NCK2: variants seen among roughly 807,000 people sequenced by gnomAD.
The protein encoded by NCK2 is NCK adaptor protein 2.
A neutral mutation model predicts 33.9 loss-of-function variants in NCK2; 16 were observed. The observed-to-expected ratio is 0.47, with a 90% CI of 0.32 to 0.72. The LOEUF (loss-of-function observed/expected upper bound fraction) is 0.72. Among genes scored for constraint, NCK2 ranks in the 30% least tolerant of loss-of-function variants. The pLI is 0.03. For synonymous variants in NCK2, 273 were observed against 239.9 expected (o/e 1.14, Z -1.27); for missense variants, 418 against 537.3 (o/e 0.78, Z 2.19).
At position 105,780,865 on chromosome 2, in the gene NCK2, A is replaced by G. The variant is rs1690471387; in HGVS notation, c.-200-35565A>G. On this transcript the variant is annotated intron_variant, in intron 1 of 4. Transcript: ENST00000233154. ...AGACACTGAATTTCCTGGTACTTTGATCTTGGACTTCCAGCTTCCACAACT... is the reference window on the plus strand; with the variant it reads ...AGACACTGAATTTCCTGGTACTTTGGTCTTGGACTTCCAGCTTCCACAACT... 5.3e-5 allele frequency among the ~76,000 whole-genome samples: 8 copies of G among 152,294 alleles called. No individual in the cohort carries two copies. In the South Asian group the frequency reaches 1.7e-3, roughly 32 times the overall value.
chr2:105,868,599 T>A (rs1271364981), intron 3 of NCK2, among the ~76,000 whole-genome samples: 1 of 152,226 alleles, frequency 6.6e-6, no homozygotes, highest in Non-Finnish European at 1.5e-5. Context: ...TGAAGTTGAC[T>A]AAATCTGTAA....
In NCK2 at chr2:105,893,496, G is replaced by T. The variant is rs1345612489; in HGVS notation, c.*320G>T. 2 of 307,702 alleles carry T rather than the reference G, an allele frequency of 6.5e-6. No individual in the cohort carries two copies. The highest frequency in any genetic ancestry group is 4.0e-5 in the Admixed American group (1 of 24,814). 19.1% of individuals were successfully genotyped at this position (307,702 alleles called of 1,614,324 possible). On this transcript the variant is annotated 3_prime_UTR_variant, in exon 5 of 5. Coordinates refer to ENST00000233154, the MANE Select transcript of NCK2 (RefSeq NM_003581.5). ...CTCTTTAAAAAGACGCAGGGCACCT[G>T]TGAGCGCAGGAGCGAGCCTAAGGCC...
At chr2:105,762,964 G>T (rs966919549) in intron 1 of NCK2, among the ~76,000 whole-genome samples, 1 of 152,212 alleles carries the variant, frequency 6.6e-6, no homozygotes, top group African/African-American at 2.4e-5. Context: ...GGAGGCCGAC[G>T]TAGGCGGATT....
At chr2:105,798,620 T>C (rs1691166391) in intron 1 of NCK2, among the ~76,000 whole-genome samples, 2 of 152,176 alleles carry the variant, frequency 1.3e-5, no homozygotes, top group Admixed American at 6.5e-5. Context: ...ACAAAATGTA[T>C]GCATTACTTT....
intron 2 of NCK2, 88 bp from the exon 3 acceptor site, chr2:105,854,960 C>A: frequency 1.1e-6 from 1 of 913,276 alleles, no homozygotes; most frequent in Non-Finnish European, 1.7e-6. Flanking sequence ...GTAATAAAAG[C>A]TGTCAGTGCC....
At chr2:105,821,915 C>T (rs1171563368) in intron 2 of NCK2, among the ~76,000 whole-genome samples, 1 of 150,694 alleles carries the variant, frequency 6.6e-6, no homozygotes, top group Non-Finnish European at 1.5e-5. Context: ...AGCCCACGTT[C>T]CTTCTGCTTC....
intron 1 of NCK2, among the ~76,000 whole-genome samples, chr2:105,780,144 C>T (rs1295288093): frequency 6.6e-6 from 1 of 152,042 alleles, no homozygotes; most frequent in Admixed American, 6.6e-5. Context: ...TTTAAAATTT[C>T]TGGTTGCAAG....
intron 1 of NCK2, among the ~76,000 whole-genome samples, chr2:105,814,939 A>G (rs1459886445): frequency 1.3e-5 from 2 of 152,246 alleles, no homozygotes; most frequent in African/African-American, 4.8e-5. Context: ...TAACGTTTAT[A>G]ATAGCCCCTG....
rs550629968 is a variant in NCK2, at chr2:105,746,372, C to T, written c.-201+1234C>T. The stretch of plus-strand genomic sequence containing the variant: ...AGTCCCTTCCTGGCCCAGGCGCAGT[C>T]CCCGCTTCTCGGAAGGGATTTTGTG... On this transcript the variant is annotated intron_variant, in intron 1 of 4. Transcript: ENST00000233154. Among the ~76,000 whole-genome samples, 5 of 152,282 alleles carry T rather than the reference C, an allele frequency of 3.3e-5. No homozygotes were observed. In the East Asian group the frequency reaches 9.6e-4, roughly 29 times the overall value.
intron 1 of NCK2, among the ~76,000 whole-genome samples, chr2:105,759,461 C>T (rs1689695176): frequency 2.7e-5 from 1 of 36,580 alleles, no homozygotes; most frequent in South Asian, 2.0e-3. Flanking sequence ...TGCATACAGG[C>T]TTTTATATAA....
At chr2:105,839,342 C>A (rs1212743768) in intron 2 of NCK2, among the ~76,000 whole-genome samples, 4 of 152,072 alleles carry the variant, frequency 2.6e-5, no homozygotes, top group African/African-American at 9.7e-5. Flanking sequence ...GAGGGTAGAA[C>A]AGAGAGACTG....
chr2:105,847,494 C>T (rs1304006505), intron 2 of NCK2, among the ~76,000 whole-genome samples: 1 of 151,904 alleles, frequency 6.6e-6, no homozygotes, highest in Admixed American at 6.6e-5. Flanking sequence ...GCCTGTGTCC[C>T]GGTGGGCAGG....
Position 105,749,472 on chromosome 2 carries a change from A to C in NCK2, c.-201+4334A>C, listed in dbSNP as rs185362300. ...CATACACCATCATATTTAATAGTCG[A>C]ATAACATGGTGCACTTGGTTCTGGC... On this transcript the variant is annotated intron_variant, in intron 1 of 4. Coordinates refer to ENST00000233154, the MANE Select transcript of NCK2 (RefSeq NM_003581.5). 2.7e-4 allele frequency among the ~76,000 whole-genome samples: 41 copies of C among 152,322 alleles called. 1 individual carries two copies. The highest frequency in any genetic ancestry group is 2.7e-3 in the Admixed American group (41 of 15,308).
intron 2 of NCK2, among the ~76,000 whole-genome samples, chr2:105,827,473 G>A (rs535142475): frequency 2.2e-4 from 33 of 152,186 alleles, no homozygotes; most frequent in African/African-American, 7.2e-4. Flanking sequence ...AAGTCAGCAG[G>A]GCTATAGGAA....
intron 1 of NCK2, among the ~76,000 whole-genome samples, chr2:105,771,272 T>TA (rs1212310538): frequency 1.3e-5 from 2 of 151,350 alleles, no homozygotes; most frequent in Non-Finnish European, 2.9e-5. Flanking sequence ...GACTTTCTAG[T>TA]AAAAAAACAT....
chr2:105,827,960 T>C (rs12997253), intron 2 of NCK2, among the ~76,000 whole-genome samples: 31,197 of 152,158 alleles, frequency 0.21, 3,780 homozygotes, highest in East Asian at 0.33. Flanking sequence ...CTAATGTCAG[T>C]TTCCTGGTTT....
intron 1 of NCK2, among the ~76,000 whole-genome samples, chr2:105,791,824 A>G (rs374403213): frequency 1.3e-5 from 2 of 152,290 alleles, no homozygotes; most frequent in African/African-American, 2.4e-5. Context: ...CAATATTTTC[A>G]TATCTGTTGT....
rs566990560 is a variant in NCK2 at position 105,846,031 on chromosome 2, G to A, written c.-16-9017G>A. Among the ~76,000 whole-genome samples, 16 of 152,276 alleles carry A rather than the reference G, an allele frequency of 1.1e-4. No individual in the cohort carries two copies. The South Asian group carries it at 3.1e-3, about 30-fold the overall frequency. ...TTCATTTGTTTACAGTTAACATCATGTAAGAAAATTGGCTTATTAAATTTA... is the reference window on the plus strand; with the variant it reads ...TTCATTTGTTTACAGTTAACATCATATAAGAAAATTGGCTTATTAAATTTA... On this transcript the variant is annotated intron_variant, in intron 2 of 4. Transcript: ENST00000233154.
intron 1 of NCK2, among the ~76,000 whole-genome samples, chr2:105,777,120 C>CGAGCA (rs1690332907): frequency 6.6e-6 from 1 of 152,034 alleles, no homozygotes; most frequent in Non-Finnish European, 1.5e-5. Context: ...CTGCTGCCGC[C>CGAGCA]GAGCAGGAAT....
Sources: allele counts gnomAD v4.1 joint callset (sites outside exome capture counted in the v4.1 genomes callset), GRCh38; gene constraint gnomAD v4.1.1; transcripts MANE v1.5; gene names NCBI Gene and HGNC (gene_info 2026-07-23, HGNC 2026-07-21).